The following SORCS1 variants were observed in gnomAD, a reference collection of about 807,000 sequenced individuals.
SORCS1 encodes the protein sortilin related VPS10 domain containing receptor 1, also known as VPS10 domain-containing receptor SorCS1.
Under a neutral mutation model 146.1 loss-of-function variants are expected in SORCS1, and 60 were observed. The observed-to-expected ratio is 0.41, with a 90% CI of 0.33 to 0.51. SORCS1 has a LOEUF of 0.51. Ranked by LOEUF, SORCS1 falls within the 20% of genes least tolerant of loss-of-function variation. The probability of loss-of-function intolerance (pLI) is 0.21; values close to 1 mark genes in which losing one functional copy is unlikely to be tolerated. For missense variants in SORCS1, 1,352 were observed against 1,487.6 expected, an observed-to-expected ratio of 0.91 and a Z score of 1.50; for synonymous variants, 637 against 584.0, an observed-to-expected ratio of 1.09 and a Z score of -1.31.
intron 2 of SORCS1, among the ~76,000 whole-genome samples, chr10:106,928,204 G>A (rs59345473): frequency 0.032 from 4,808 of 152,320 alleles, 179 homozygotes; most frequent in South Asian, 0.11. Context: ...CCACGAAGGC[G>A]GGGAGGCTCA....
intron 1 of SORCS1, among the ~76,000 whole-genome samples, chr10:107,028,733 C>T (rs568372593): frequency 7.4e-4 from 112 of 152,304 alleles, no homozygotes; most frequent in Non-Finnish European, 1.3e-3. Flanking sequence ...TAATTATGTG[C>T]TACATCTGCT....
intron 2 of SORCS1, among the ~76,000 whole-genome samples, chr10:106,909,870 A>G (rs751844280): frequency 2.6e-5 from 4 of 152,184 alleles, no homozygotes; most frequent in Non-Finnish European, 4.4e-5. Flanking sequence ...GATTGCAGGT[A>G]TTGCTATGCA....
chr10:107,051,819 G>A (rs948184163), intron 1 of SORCS1, among the ~76,000 whole-genome samples: 2 of 152,134 alleles, frequency 1.3e-5, no homozygotes, highest in Non-Finnish European at 2.9e-5. Flanking sequence ...ATTCATGAAA[G>A]GGCTGGTACT....
chr10:106,997,615 G>C (rs1957051712), intron 1 of SORCS1, among the ~76,000 whole-genome samples: 1 of 152,094 alleles, frequency 6.6e-6, no homozygotes, highest in African/African-American at 2.4e-5. Flanking sequence ...CTTTACTTAG[G>C]AAACCTTTCA....
At chr10:106,988,473 A>T (rs1278263925) in intron 1 of SORCS1, among the ~76,000 whole-genome samples, 3 of 152,148 alleles carry the variant, frequency 2.0e-5, no homozygotes, top group African/African-American at 7.2e-5. Context: ...CGTCTGAAAA[A>T]ATCTGCCTCC....
intron 1 of SORCS1, among the ~76,000 whole-genome samples, chr10:106,974,746 C>G (rs1171797239): frequency 1.3e-5 from 2 of 152,126 alleles, no homozygotes; most frequent in Admixed American, 6.6e-5. Context: ...AAAGAAGGAC[C>G]CTGGTACTCT....
chr10:107,090,692 T>C (rs771538152), intron 1 of SORCS1, among the ~76,000 whole-genome samples: 5 of 152,134 alleles, frequency 3.3e-5, no homozygotes, highest in Non-Finnish European at 5.9e-5. Context: ...CTGGGCATGA[T>C]AGAGATGGTA....
chr10:106,681,184 A>G (rs922132302), intron 10 of SORCS1, among the ~76,000 whole-genome samples: 3 of 152,224 alleles, frequency 2.0e-5, no homozygotes, highest in Non-Finnish European at 2.9e-5. Context: ...ATATAATTAA[A>G]TGCTGTGGAT....
rs200885818 is a variant in SORCS1, at chr10:106,956,554, A to G, written c.585T>C (p.Tyr195=). 3.0e-5 allele frequency: 49 copies of G among 1,614,104 alleles called. No homozygotes were observed. Among genetic ancestry groups the G allele is most frequent in the Non-Finnish European group, 3.7e-5 (44 of 1,180,030 alleles). The stretch of plus-strand genomic sequence containing the variant: ...CTGTGATGCTCCCCAGGTTATAGTC[A>G]TAGAGCTTTGTCAAAATGAGAATCA... ...SSVILILTKL[Y]DYNLGSITES... Residue 195 remains tyrosine, a synonymous_variant, in exon 2 of 26, where the codon TAT becomes TAC. Coordinates refer to ENST00000263054, the MANE Select transcript of SORCS1 (RefSeq NM_052918.5).
intron 1 of SORCS1, among the ~76,000 whole-genome samples, chr10:107,118,766 G>T (rs1210225768): frequency 6.6e-6 from 1 of 152,134 alleles, no homozygotes; most frequent in Non-Finnish European, 1.5e-5. Context: ...CATATACTGA[G>T]TATGTCACAT....
chr10:106,573,823 A>C lies in SORCS1; in HGVS notation c.*3597T>G, dbSNP rs2133164678. 1 of 152,632 alleles carries C rather than the reference A, an allele frequency of 6.6e-6. No homozygotes were observed. The highest frequency in any genetic ancestry group is 3.4e-3 in the Middle Eastern group (1 of 294). 9.5% of individuals were successfully genotyped at this position (152,632 alleles called of 1,614,324 possible). A position where few individuals can be genotyped will look rare whatever the true frequency, so the allele number is the denominator to read the frequency against. On this transcript the variant is annotated 3_prime_UTR_variant, in exon 26 of 26. Transcript: ENST00000263054. ...TTTCTTATGCAATTAGCCTTTATGA[A>C]ATCCTATACATGCAACACTTCTATA... is the stretch of plus-strand genomic sequence containing the variant.
intron 1 of SORCS1, among the ~76,000 whole-genome samples, chr10:107,008,852 C>A (rs1273671478): frequency 6.6e-6 from 1 of 152,188 alleles, no homozygotes; most frequent in Non-Finnish European, 1.5e-5. Context: ...AAAAAATTAG[C>A]TGGGCATGGT....
intron 2 of SORCS1, among the ~76,000 whole-genome samples, chr10:106,833,782 TG>T (rs1166391268): frequency 7.9e-6 from 1 of 125,916 alleles, no homozygotes; most frequent in Non-Finnish European, 1.7e-5. Flanking sequence ...TTCTTTCTTT[TG>T]TTATTATTAT....
chr10:106,640,297 G>A (rs1053272193), intron 18 of SORCS1, among the ~76,000 whole-genome samples: 16 of 152,074 alleles, frequency 1.1e-4, no homozygotes, highest in African/African-American at 9.7e-5. Context: ...GTGAAATTAC[G>A]GATCATTGAA....
At chr10:106,663,270 T>C (rs953020536) in intron 17 of SORCS1, among the ~76,000 whole-genome samples, 13 of 151,982 alleles carry the variant, frequency 8.6e-5, no homozygotes, top group Admixed American at 2.0e-4. Context: ...AAAAGGAAAA[T>C]AGAAGAACAA....
intron 3 of SORCS1, among the ~76,000 whole-genome samples, chr10:106,778,398 A>C (rs1350448672): frequency 6.6e-6 from 1 of 152,028 alleles, no homozygotes. Flanking sequence ...TGACAAAGTT[A>C]TGGATTTCTC....
At chr10:106,778,206 G>A (rs753147409) in intron 3 of SORCS1, among the ~76,000 whole-genome samples, 14 of 152,074 alleles carry the variant, frequency 9.2e-5, no homozygotes, top group Non-Finnish European at 2.1e-4. Flanking sequence ...ACGAATTTAA[G>A]GTTCCTTGCT....
At chr10:106,820,356 T>A (rs975132774) in intron 3 of SORCS1, among the ~76,000 whole-genome samples, 74 of 152,220 alleles carry the variant, frequency 4.9e-4, no homozygotes, top group Non-Finnish European at 1.5e-4. Context: ...AAACCTAATT[T>A]AAGTACTTGA....
At chr10:106,797,958 T>G (rs1282951930) in intron 3 of SORCS1, among the ~76,000 whole-genome samples, 2 of 152,210 alleles carry the variant, frequency 1.3e-5, no homozygotes, top group South Asian at 4.1e-4. Flanking sequence ...GAACTTTCCT[T>G]GAAATATGAG....
Sources: allele counts gnomAD v4.1 joint callset (sites outside exome capture counted in the v4.1 genomes callset), GRCh38; gene constraint gnomAD v4.1.1; transcripts MANE v1.5; gene names NCBI Gene and HGNC (gene_info 2026-07-23, HGNC 2026-07-21).